The following ANKRD17 variants were observed in gnomAD, a reference collection of about 807,000 sequenced individuals.
ANKRD17 encodes ankyrin repeat domain 17.
ANKRD17 carries 19 observed loss-of-function variants against 229.7 expected under a neutral mutation model. The observed-to-expected ratio is 0.08, with a 90% CI of 0.06 to 0.12. The LOEUF (loss-of-function observed/expected upper bound fraction) is 0.12, where lower values mean the gene tolerates loss of function less well. Among genes scored for constraint, ANKRD17 ranks in the 10% least tolerant of loss-of-function variants. The probability of loss-of-function intolerance (pLI) is 1.00; values close to 1 mark genes in which losing one functional copy is unlikely to be tolerated. For missense variants in ANKRD17, 2,176 were observed against 3,176.8 expected, an observed-to-expected ratio of 0.68 and a Z score of 7.57; for synonymous variants, 1,112 against 1,146.1, an observed-to-expected ratio of 0.97 and a Z score of 0.60.
In ANKRD17 at chr4:73,091,006, T is replaced by C. The variant is rs961680741; in HGVS notation, c.6622A>G (p.Ile2208Val). 1 of 1,614,220 alleles carries C rather than the reference T, an allele frequency of 6.2e-7. No homozygotes were observed. The highest frequency in any genetic ancestry group is 8.5e-7 in the Non-Finnish European group (1 of 1,180,034). Residue 2208 changes from isoleucine (I) to valine (V), a missense_variant, in exon 29 of 34, where the codon ATT (isoleucine) becomes GTT (valine). By Grantham distance (29) the Ile-to-Val change is conservative. Coordinates refer to ENST00000358602, the MANE Select transcript of ANKRD17 (RefSeq NM_032217.5). ...SSVAVLSVNH[I>V]KRPHSVPSSV... is the part of the protein sequence containing the mutation. ...GAGGGAACACTGTGAGGTCTTTTAA[T>C]GTGATTGACACTGAGGACTGCAACA...
chr4:73,184,026 T>C (rs1735930595), intron 1 of ANKRD17, among the ~76,000 whole-genome samples: 1 of 152,092 alleles, frequency 6.6e-6, no homozygotes. Context: ...CTGAATGAAT[T>C]TGTTTGTCAT....
At position 73,076,979 on chromosome 4, in the gene ANKRD17, C is replaced by A; in HGVS notation, c.7713G>T (p.Lys2571Asn). The A allele has an allele frequency of 6.2e-7, 1 of 1,613,190 alleles. No individual in the cohort carries two copies. The highest frequency in any genetic ancestry group is 1.1e-5 in the South Asian group (1 of 90,782). The stretch of plus-strand genomic sequence containing the variant: ...TATTTTCCGTGGAGCTGGAAACCAT[C>A]TTTATCAGTGAGTTCCAAGAAGGGT... ...AADPSWNSLI[K>N]MVSSSTENNG... Residue 2571 changes from lysine (K) to asparagine (N), a missense_variant, in exon 33 of 34, where the codon AAG (lysine) becomes AAT (asparagine). Lys to Asn is a moderately conservative substitution (Grantham distance 94). This residue lies in a region of ANKRD17 where 159 missense variants were observed against 214.3 expected (regional missense o/e 0.74). Coordinates refer to ENST00000358602, the MANE Select transcript of ANKRD17 (RefSeq NM_032217.5).
intron 1 of ANKRD17, among the ~76,000 whole-genome samples, chr4:73,230,252 A>C (rs1363692547): frequency 6.6e-6 from 1 of 152,184 alleles, no homozygotes; most frequent in Admixed American, 6.6e-5. Flanking sequence ...CATAGTATCC[A>C]GTAGTATATT....
chr4:73,206,759 T>C (rs1209540568), intron 1 of ANKRD17, among the ~76,000 whole-genome samples: 2 of 152,184 alleles, frequency 1.3e-5, no homozygotes, highest in Non-Finnish European at 2.9e-5. Context: ...TCAAGAGATC[T>C]ATTTACAGCA....
intron 1 of ANKRD17, among the ~76,000 whole-genome samples, chr4:73,255,065 G>A (rs1745340268): frequency 6.6e-6 from 1 of 152,152 alleles, no homozygotes; most frequent in South Asian, 2.1e-4. Context: ...AATAGATGGG[G>A]AGAGGGAGGC....
intron 30 of ANKRD17, 112 bp from the exon 31 acceptor site, chr4:73,079,002 A>G: frequency 7.9e-7 from 1 of 1,258,558 alleles, no homozygotes; most frequent in Non-Finnish European, 1.1e-6. Context: ...TCAGAAAAAC[A>G]AAGTGTAAAA....
At chr4:73,122,197 G>GA (rs1726831561) in intron 18 of ANKRD17, among the ~76,000 whole-genome samples, 2 of 152,110 alleles carry the variant, frequency 1.3e-5, no homozygotes, top group Admixed American at 1.3e-4. Context: ...ACAAGATTAT[G>GA]AAAATTTTCT....
intron 18 of ANKRD17, 118 bp from the exon 19 acceptor site, chr4:73,121,877 T>C: frequency 9.6e-7 from 1 of 1,036,520 alleles, no homozygotes. Context: ...AAGTTCTTCC[T>C]TCATGCTCTG....
chr4:73,221,650 ACT>A (rs1407844355), intron 1 of ANKRD17, among the ~76,000 whole-genome samples: 4 of 152,238 alleles, frequency 2.6e-5, no homozygotes, highest in African/African-American at 9.6e-5. Context: ...GAAAGTTTAT[ACT>A]ACTATTTCTA....
chr4:73,200,609 G>A (rs1447523338), intron 1 of ANKRD17, among the ~76,000 whole-genome samples: 2 of 151,982 alleles, frequency 1.3e-5, no homozygotes, highest in Non-Finnish European at 2.9e-5. Flanking sequence ...TATGAAAGTA[G>A]TTTATTATAT....
intron 16 of ANKRD17, among the ~76,000 whole-genome samples, chr4:73,134,294 A>G (rs1728615278): frequency 6.6e-6 from 1 of 152,172 alleles, no homozygotes; most frequent in African/African-American, 2.4e-5. Flanking sequence ...TTTATTATAA[A>G]GAAATAATCA....
chr4:73,125,501 G>A (rs1368883425), intron 16 of ANKRD17, among the ~76,000 whole-genome samples, 189 bp from the exon 17 acceptor site: 4 of 152,232 alleles, frequency 2.6e-5, no homozygotes, highest in Non-Finnish European at 4.4e-5. Context: ...TTGAGAGGCC[G>A]AGGTGGGCAG....
At chr4:73,092,379 T>C in intron 28 of ANKRD17, 79 bp from the exon 29 acceptor site, 4 of 1,136,716 alleles carry the variant, frequency 3.5e-6, no homozygotes, top group Non-Finnish European at 5.0e-6. Context: ...TGTATTTATG[T>C]ACACAAACAC....
chr4:73,229,762 G>T (rs1334715653), intron 1 of ANKRD17, among the ~76,000 whole-genome samples: 1 of 151,914 alleles, frequency 6.6e-6, no homozygotes, highest in Non-Finnish European at 1.5e-5. Context: ...TATTTAATGG[G>T]TTTTTTAACC....
intron 1 of ANKRD17, among the ~76,000 whole-genome samples, chr4:73,224,178 G>A (rs754531806): frequency 6.6e-6 from 1 of 152,122 alleles, no homozygotes; most frequent in Non-Finnish European, 1.5e-5. Flanking sequence ...ACGTGAACCC[G>A]GGAGGTGGAT....
At chr4:73,086,941 T>TATATATATATATAG in intron 29 of ANKRD17, among the ~76,000 whole-genome samples, 1 of 82,418 alleles carries the variant, frequency 1.2e-5, no homozygotes, top group Non-Finnish European at 2.4e-5. Flanking sequence ...TATATATATA[T>TATATATATATATAG]ATATATATAT....
rs748565107 is a variant in ANKRD17 at position 73,120,902 on chromosome 4, T to C, written c.3828A>G (p.Ala1276=). Reference sequence around the variant, plus strand: ...TTACCTTAGCTCTGTGTTCAACATTTGCTTTTCTATCAAGCAGAAGACTAA... The same window carrying C: ...TTACCTTAGCTCTGTGTTCAACATTCGCTTTTCTATCAAGCAGAAGACTAA... The part of the protein sequence containing the change: ...EVVSLLLDRK[A]NVEHRAKTGL... Residue 1276 remains alanine, a synonymous_variant, in exon 20 of 34, where the codon GCA becomes GCG. Transcript: ENST00000358602. The C allele has an allele frequency of 1.9e-6, 3 of 1,613,578 alleles. No individual in the cohort carries two copies. The Admixed American group carries it at 5.0e-5, about 27-fold the overall frequency.
chr4:73,250,943 T>C (rs1036364920), intron 1 of ANKRD17, among the ~76,000 whole-genome samples: 3 of 152,178 alleles, frequency 2.0e-5, no homozygotes, highest in Admixed American at 1.3e-4. Context: ...CCACTCTCTT[T>C]TATCTCTAGT....
chr4:73,204,821 T>C (rs1739234285), intron 1 of ANKRD17, among the ~76,000 whole-genome samples: 2 of 152,114 alleles, frequency 1.3e-5, no homozygotes, highest in African/African-American at 4.8e-5. Flanking sequence ...AGCTAACACA[T>C]ATATATTACA....
Sources: allele counts gnomAD v4.1 joint callset (sites outside exome capture counted in the v4.1 genomes callset), GRCh38; gene constraint gnomAD v4.1.1; regional missense constraint gnomAD v4.1.1; transcripts MANE v1.5; gene names NCBI Gene and HGNC (gene_info 2026-07-23, HGNC 2026-07-21).